Variants in ZFAND3 observed in about 807,000 individuals in gnomAD.
The protein encoded by ZFAND3 is zinc finger AN1-type containing 3.
ZFAND3 carries 10 observed loss-of-function variants against 29.6 expected under a neutral mutation model. The ratio of observed to expected loss-of-function variants is 0.34; its 90% CI spans 0.21 to 0.57. ZFAND3 has a LOEUF of 0.57. Ranked by LOEUF, ZFAND3 falls within the 20% of genes least tolerant of loss-of-function variation. The probability of loss-of-function intolerance (pLI) is 0.86; values close to 1 mark genes in which losing one functional copy is unlikely to be tolerated. For synonymous variants in ZFAND3, 128 were observed against 112.6 expected (o/e 1.14, Z -0.87); for missense variants, 230 against 304.5 (o/e 0.76, Z 1.82).
intron 4 of ZFAND3, among the ~76,000 whole-genome samples, chr6:38,103,400 T>TAC (rs2127478877): frequency 6.8e-6 from 1 of 147,072 alleles, no homozygotes; most frequent in Non-Finnish European, 1.5e-5. Context: ...CACACATATA[T>TAC]ATACACACAC....
chr6:37,941,977 A>G (rs1761818657), intron 2 of ZFAND3, among the ~76,000 whole-genome samples: 1 of 152,154 alleles, frequency 6.6e-6, no homozygotes, highest in Non-Finnish European at 1.5e-5. Context: ...GTTTTGTTCC[A>G]TATTACAATC....
At chr6:38,090,123 G>A (rs955625096) in intron 4 of ZFAND3, among the ~76,000 whole-genome samples, 1 of 152,202 alleles carries the variant, frequency 6.6e-6, no homozygotes, top group Non-Finnish European at 1.5e-5. Context: ...AAAGTGCTGG[G>A]ATTACAGGTG....
intron 2 of ZFAND3, among the ~76,000 whole-genome samples, chr6:37,986,405 G>A (rs1762672255): frequency 6.6e-6 from 1 of 152,160 alleles, no homozygotes; most frequent in South Asian, 2.1e-4. Context: ...TTTTGGGGTG[G>A]TGGCAGTGGT....
At chr6:38,006,373 TTC>T (rs2127441746) in intron 2 of ZFAND3, among the ~76,000 whole-genome samples, 1 of 152,348 alleles carries the variant, frequency 6.6e-6, no homozygotes, top group Non-Finnish European at 1.5e-5. Context: ...TTCTAATTGT[TTC>T]TTTTTTATAA....
chr6:38,023,953 A>T (rs538584653), intron 2 of ZFAND3, among the ~76,000 whole-genome samples: 1 of 152,138 alleles, frequency 6.6e-6, no homozygotes, highest in African/African-American at 2.4e-5. Context: ...CAGGAGGTCA[A>T]AGCTGTAGGG....
At chr6:37,869,581 T>C (rs973157028) in intron 1 of ZFAND3, among the ~76,000 whole-genome samples, 1 of 151,336 alleles carries the variant, frequency 6.6e-6, no homozygotes, top group African/African-American at 2.4e-5. Context: ...TGGTCATAGC[T>C]CACTGTAACC....
At chr6:38,093,226 AAG>A (rs942396715) in intron 4 of ZFAND3, among the ~76,000 whole-genome samples, 9 of 152,232 alleles carry the variant, frequency 5.9e-5, no homozygotes, top group Admixed American at 4.6e-4. Context: ...GGAATAGAGA[AAG>A]AGAGATAAAT....
chr6:37,978,152 C>A (rs371813788), intron 2 of ZFAND3, among the ~76,000 whole-genome samples: 2 of 151,996 alleles, frequency 1.3e-5, no homozygotes, highest in Non-Finnish European at 2.9e-5. Flanking sequence ...TCAGGCCAGT[C>A]TCGAACTGAG....
rs138646712 is a variant in ZFAND3, at chr6:37,970,330, A to G, written c.112+40331A>G. Among the ~76,000 whole-genome samples, 519 of 152,332 alleles carry G rather than the reference A, an allele frequency of 3.4e-3. 5 individuals carry two copies. The highest frequency in any genetic ancestry group is 0.012 in the African/African-American group (484 of 41,572). Reference sequence around the variant, plus strand: ...ATGGTATATGGCAGATCCTTGAATTATGCTTGCAGTTTTTGAAAGTTTGAA... The same window carrying G: ...ATGGTATATGGCAGATCCTTGAATTGTGCTTGCAGTTTTTGAAAGTTTGAA... On this transcript the variant is annotated intron_variant, in intron 2 of 5. Coordinates refer to ENST00000287218, the MANE Select transcript of ZFAND3 (RefSeq NM_021943.3).
At chr6:38,147,604 A>AGTGG (rs1035857094) in intron 5 of ZFAND3, among the ~76,000 whole-genome samples, 4 of 152,228 alleles carry the variant, frequency 2.6e-5, no homozygotes, top group African/African-American at 9.6e-5. Flanking sequence ...TCCCACCAAC[A>AGTGG]GTGGGAGTCC....
At chr6:37,820,037 G>C in intron 1 of ZFAND3, 21 bp downstream of exon 1, 1 of 872,928 alleles carries the variant, frequency 1.1e-6, no homozygotes, top group South Asian at 5.2e-5. Context: ...GGCCGGGTGG[G>C]GGCGGGGGGC....
At chr6:38,019,166 G>T (rs1484843634) in intron 2 of ZFAND3, among the ~76,000 whole-genome samples, 1 of 152,130 alleles carries the variant, frequency 6.6e-6, no homozygotes, top group Non-Finnish European at 1.5e-5. Context: ...CACCATCTTG[G>T]TCAGGCTGGT....
chr6:37,823,391 C>T (rs1763701712), intron 1 of ZFAND3, among the ~76,000 whole-genome samples: 1 of 152,162 alleles, frequency 6.6e-6, no homozygotes, highest in African/African-American at 2.4e-5. Context: ...GCTGAGGAGC[C>T]TCTCAGCAGA....
chr6:37,956,952 T>C (rs7776025), intron 2 of ZFAND3, among the ~76,000 whole-genome samples: 12,595 of 152,244 alleles, frequency 0.083, 629 homozygotes, highest in African/African-American at 0.14. Flanking sequence ...CCAGTTTCCT[T>C]ACTTGGAGGT....
At chr6:37,929,831 T>C (rs1761560744) in intron 1 of ZFAND3, 128 bp from the exon 2 acceptor site, 6 of 701,912 alleles carry the variant, frequency 8.5e-6, no homozygotes, top group African/African-American at 1.8e-5. Flanking sequence ...GTTATTAATT[T>C]ATCAGTTTAT....
At chr6:38,137,090 G>A (rs1236844819) in intron 5 of ZFAND3, among the ~76,000 whole-genome samples, 4 of 152,194 alleles carry the variant, frequency 2.6e-5, no homozygotes, top group South Asian at 4.1e-4. Flanking sequence ...TCTGTACTCC[G>A]CTTGTTTGTA....
intron 2 of ZFAND3, among the ~76,000 whole-genome samples, chr6:37,980,583 C>A (rs1212427234): frequency 6.6e-6 from 1 of 152,148 alleles, no homozygotes; most frequent in South Asian, 2.1e-4. Context: ...TGGGTGAGGA[C>A]AATTCTCTTC....
intron 2 of ZFAND3, among the ~76,000 whole-genome samples, chr6:38,045,236 T>C (rs201613723): frequency 6.6e-6 from 1 of 151,768 alleles, no homozygotes; most frequent in South Asian, 2.1e-4. Context: ...TACAGGTGCA[T>C]GCCACTATGC....
chr6:38,018,480 T>C (rs1763289100), intron 2 of ZFAND3, among the ~76,000 whole-genome samples: 1 of 152,132 alleles, frequency 6.6e-6, no homozygotes, highest in South Asian at 2.1e-4. Flanking sequence ...TTTTAAAAGG[T>C]ATAAGGGTAT....
Sources: gnomAD v4.1 joint callset for allele counts (sites outside exome capture counted in the v4.1 genomes callset) on GRCh38, gnomAD v4.1.1 for gene constraint, MANE v1.5 for transcripts, NCBI Gene and HGNC (gene_info 2026-07-23, HGNC 2026-07-21) for gene names.